SCAPER: variants seen among roughly 807,000 people sequenced by gnomAD.
The protein encoded by SCAPER is S-phase cyclin A associated protein in the ER, also known as S phase cyclin A-associated protein in the endoplasmic reticulum.
In SCAPER, 98 loss-of-function variants were observed where a neutral mutation model predicts 182.2. That is an observed-to-expected ratio of 0.54 (90% CI 0.46 to 0.64). The LOEUF (loss-of-function observed/expected upper bound fraction) is 0.64. Among genes scored for constraint, SCAPER ranks in the 30% least tolerant of loss-of-function variants. SCAPER has a pLI of 0.00. For missense variants in SCAPER, 1,432 were observed against 1,690.0 expected (o/e 0.85, Z 2.68); for synonymous variants, 605 against 564.6 (o/e 1.07, Z -1.01).
intron 15 of SCAPER, among the ~76,000 whole-genome samples, chr15:76,749,348 T>G (rs1729260007): frequency 6.6e-6 from 1 of 152,054 alleles, no homozygotes; most frequent in South Asian, 2.1e-4. Flanking sequence ...TTTCCTCAAT[T>G]TGATAACAAA....
chr15:76,675,166 A>T (rs1017630413), intron 20 of SCAPER, among the ~76,000 whole-genome samples: 1 of 152,242 alleles, frequency 6.6e-6, no homozygotes, highest in African/African-American at 2.4e-5. Flanking sequence ...TAAATTCACC[A>T]TAATAGTTTA....
intron 9 of SCAPER, among the ~76,000 whole-genome samples, chr15:76,774,037 T>C (rs1198626673): frequency 6.6e-6 from 1 of 151,848 alleles, no homozygotes; most frequent in Non-Finnish European, 1.5e-5. Context: ...TAAGGAATTA[T>C]GTTAAATATT....
intron 8 of SCAPER, among the ~76,000 whole-genome samples, chr15:76,787,951 T>C (rs1008381626): frequency 1.3e-5 from 2 of 151,576 alleles, no homozygotes; most frequent in Admixed American, 6.6e-5. Context: ...ACAACACGAG[T>C]GTCTAGAATA....
chr15:76,429,345 G>C (rs2046696390), intron 26 of SCAPER, among the ~76,000 whole-genome samples: 1 of 152,196 alleles, frequency 6.6e-6, no homozygotes, highest in South Asian at 2.1e-4. Context: ...AGTGACTTTG[G>C]AACTGGGTAA....
chr15:76,553,815 CA>C (rs1428557161), intron 23 of SCAPER, among the ~76,000 whole-genome samples: 1 of 150,676 alleles, frequency 6.6e-6, no homozygotes, highest in Non-Finnish European at 1.5e-5. Context: ...AAGATAAAAA[CA>C]AAAAAAAACT....
At chr15:76,588,640 T>C (rs1415606525) in intron 22 of SCAPER, among the ~76,000 whole-genome samples, 1 of 152,194 alleles carries the variant, frequency 6.6e-6, no homozygotes, top group Non-Finnish European at 1.5e-5. Flanking sequence ...TGTTGTGCTG[T>C]TGGTTGCCTG....
chr15:76,795,275 C>G lies in SCAPER; in HGVS notation c.772+5G>C. The G allele has an allele frequency of 6.2e-7, 1 of 1,606,300 alleles. No individual in the cohort carries two copies. Among genetic ancestry groups the G allele is most frequent in the South Asian group, 1.1e-5 (1 of 89,854 alleles). ...ACACAAAATGGCTAATTCGAAGTCA[C>G]TTGCCATTTTTGCGTGAGGCCTTCT... On this transcript the variant is annotated splice_donor_5th_base_variant and intron_variant, in intron 8 of 31. Transcript: ENST00000563290.
At chr15:76,902,626 T>C (rs953664163) in intron 1 of SCAPER, among the ~76,000 whole-genome samples, 1 of 152,248 alleles carries the variant, frequency 6.6e-6, no homozygotes. Flanking sequence ...GGATATCAGA[T>C]TGTACCCTTA....
At chr15:76,437,184 C>T (rs923874254) in intron 25 of SCAPER, among the ~76,000 whole-genome samples, 1 of 152,114 alleles carries the variant, frequency 6.6e-6, no homozygotes, top group African/African-American at 2.4e-5. Flanking sequence ...GGCACCTAAA[C>T]TGCCTTTTAT....
At chr15:76,430,829 C>T (rs147895868) in intron 26 of SCAPER, among the ~76,000 whole-genome samples, 6,830 of 152,126 alleles carry the variant, frequency 0.045, 212 homozygotes, top group East Asian at 0.089. Context: ...AATGTGAGGA[C>T]ATGAGATTTG....
intron 29 of SCAPER, among the ~76,000 whole-genome samples, chr15:76,368,445 G>A (rs1031860855): frequency 6.6e-6 from 1 of 152,240 alleles, no homozygotes; most frequent in African/African-American, 2.4e-5. Context: ...TCAAATTAAC[G>A]TTTGGCGTTT....
At chr15:76,830,926 C>G (rs763441826) in intron 5 of SCAPER, among the ~76,000 whole-genome samples, 51 of 152,186 alleles carry the variant, frequency 3.4e-4, no homozygotes, top group Middle Eastern at 3.4e-3. Context: ...GGTTGCCAAG[C>G]ACCGTGACCC....
chr15:76,436,880 A>G (rs1296417349), intron 25 of SCAPER, among the ~76,000 whole-genome samples: 1 of 152,214 alleles, frequency 6.6e-6, no homozygotes, highest in Admixed American at 6.5e-5. Flanking sequence ...TTTAATATTT[A>G]TAAGTCTATT....
intron 23 of SCAPER, among the ~76,000 whole-genome samples, chr15:76,521,612 T>C (rs2042844880): frequency 6.6e-6 from 1 of 152,202 alleles, no homozygotes; most frequent in Non-Finnish European, 1.5e-5. Flanking sequence ...TGATATACCT[T>C]ATATAAAGCG....
chr15:76,376,073 C>T, intron 29 of SCAPER, 89 bp downstream of exon 29: 2 of 1,528,568 alleles, frequency 1.3e-6, no homozygotes, highest in Non-Finnish European at 1.8e-6. Flanking sequence ...CATTTGGGTT[C>T]CAGCCCGCTA....
chr15:76,702,937 T>C lies in SCAPER; in HGVS notation c.2313A>G (p.Leu771=). 2 of 1,611,118 alleles carry C rather than the reference T, an allele frequency of 1.2e-6. No homozygotes were observed. Among genetic ancestry groups the C allele is most frequent in the Non-Finnish European group, 1.7e-6 (2 of 1,178,980 alleles). The change falls in exon 19 of 32, where the codon CTA becomes CTG. Residue 771 remains leucine, a synonymous_variant. Transcript: ENST00000563290. ...IEQRKEKAAE[L]SSGRHANTDY... is the part of the protein sequence containing the mutation. ...CAGTATTTGCATGTCGCCCACTGCT[T>C]AGCTCAGCAGCTTTTTCTTTTCTTT...
intron 22 of SCAPER, among the ~76,000 whole-genome samples, chr15:76,611,249 T>C (rs143023327): frequency 2.0e-5 from 3 of 151,002 alleles, no homozygotes; most frequent in South Asian, 2.1e-4. Flanking sequence ...TCAAACAATA[T>C]AGAAAAAAAC....
chr15:76,793,915 T>C (rs931415852), intron 8 of SCAPER, among the ~76,000 whole-genome samples: 8 of 152,180 alleles, frequency 5.3e-5, no homozygotes, highest in African/African-American at 1.2e-4. Context: ...CTCCACAGCG[T>C]CAGAATTAAA....
chr15:76,836,267 A>G (rs2068944454), intron 5 of SCAPER, among the ~76,000 whole-genome samples: 1 of 152,188 alleles, frequency 6.6e-6, no homozygotes, highest in Non-Finnish European at 1.5e-5. Flanking sequence ...TAGCCAAAGC[A>G]ATCCTAAGCA....
Sources: allele counts gnomAD v4.1 joint callset (sites outside exome capture counted in the v4.1 genomes callset), GRCh38; gene constraint gnomAD v4.1.1; transcripts MANE v1.5; gene names NCBI Gene and HGNC (gene_info 2026-07-23, HGNC 2026-07-21).